The following POU6F2 variants were observed in gnomAD, a reference collection of about 807,000 sequenced individuals.
POU6F2 encodes POU class 6 homeobox 2.
Under a neutral mutation model 71.3 loss-of-function variants are expected in POU6F2, and 31 were observed. That is an observed-to-expected ratio of 0.43 (90% CI 0.33 to 0.59). The LOEUF is 0.59. Ranked by LOEUF, POU6F2 falls within the 20% of genes least tolerant of loss-of-function variation. The probability of loss-of-function intolerance (pLI) is 0.04; values close to 1 mark genes in which losing one functional copy is unlikely to be tolerated. For synonymous variants in POU6F2, 347 were observed against 355.7 expected, an observed-to-expected ratio of 0.98 and a Z score of 0.27; for missense variants, 783 against 856.8, an observed-to-expected ratio of 0.91 and a Z score of 1.07.
At chr7:39,265,752 A>G (rs916624291) in intron 4 of POU6F2, among the ~76,000 whole-genome samples, 4 of 152,188 alleles carry the variant, frequency 2.6e-5, no homozygotes, top group African/African-American at 9.7e-5. Flanking sequence ...AATTACAACC[A>G]GTTTTAAGGG....
intron 6 of POU6F2, among the ~76,000 whole-genome samples, chr7:39,418,508 T>G (rs902619196): frequency 6.6e-6 from 1 of 151,888 alleles, no homozygotes; most frequent in African/African-American, 2.4e-5. Flanking sequence ...TGGCCAACAT[T>G]GTGAAACCAT....
At chr7:39,092,245 G>A (rs570014005) in intron 2 of POU6F2, among the ~76,000 whole-genome samples, 2 of 152,332 alleles carry the variant, frequency 1.3e-5, no homozygotes, top group South Asian at 4.1e-4. Flanking sequence ...GGCAGAGGTA[G>A]CTAGAGAAAG....
At chr7:39,397,021 G>C (rs1420077183) in intron 5 of POU6F2, among the ~76,000 whole-genome samples, 1 of 152,068 alleles carries the variant, frequency 6.6e-6, no homozygotes, top group African/African-American at 2.4e-5. Flanking sequence ...GAATTTCTAG[G>C]GACATCTGGG....
intron 2 of POU6F2, among the ~76,000 whole-genome samples, chr7:39,132,041 A>G (rs1792296193): frequency 6.6e-6 from 1 of 152,232 alleles, no homozygotes; most frequent in Non-Finnish European, 1.5e-5. Context: ...TTTAAAATGT[A>G]CAATTAAATT....
intron 2 of POU6F2, among the ~76,000 whole-genome samples, chr7:39,201,739 A>G (rs1335444719): frequency 1.3e-5 from 2 of 152,218 alleles, no homozygotes; most frequent in Non-Finnish European, 2.9e-5. Flanking sequence ...AAAATATCCA[A>G]TGTCAAATTC....
intron 4 of POU6F2, among the ~76,000 whole-genome samples, chr7:39,267,837 T>C (rs775215551): frequency 6.6e-6 from 1 of 152,180 alleles, no homozygotes; most frequent in Non-Finnish European, 1.5e-5. Context: ...ACACTCTTCA[T>C]TCCTCATGTC....
intron 5 of POU6F2, among the ~76,000 whole-genome samples, chr7:39,365,395 G>A (rs1483555996): frequency 6.6e-6 from 1 of 152,104 alleles, no homozygotes; most frequent in Admixed American, 6.6e-5. Context: ...AACTCAAGAT[G>A]GATTAAGGAC....
chr7:39,010,795 C>T (rs1400369914), intron 1 of POU6F2, among the ~76,000 whole-genome samples: 2 of 147,962 alleles, frequency 1.4e-5, no homozygotes, highest in Non-Finnish European at 3.0e-5. Flanking sequence ...AGTAGTCATT[C>T]AGGAGCAGGT....
chr7:39,006,982 A>G (rs946836063), intron 1 of POU6F2: 2 of 1,030,112 alleles, frequency 1.9e-6, no homozygotes, highest in African/African-American at 1.6e-5. Flanking sequence ...CTTGAGTCAA[A>G]TGAGTGAGAT....
intron 1 of POU6F2, among the ~76,000 whole-genome samples, chr7:39,059,292 T>G (rs942908768): frequency 1.3e-5 from 2 of 152,132 alleles, no homozygotes; most frequent in Middle Eastern, 3.4e-3. Context: ...TTAAATTAAG[T>G]TCTTAGATAA....
At chr7:39,085,703 A>G in intron 1 of POU6F2, 157 bp from the exon 2 acceptor site, 1 of 744,986 alleles carries the variant, frequency 1.3e-6, no homozygotes, top group Non-Finnish European at 2.2e-6. Flanking sequence ...GCAGCCAGCA[A>G]TAACAGCGGG....
At chr7:39,096,933 CTG>C (rs753191911) in intron 2 of POU6F2, among the ~76,000 whole-genome samples, 1 of 152,120 alleles carries the variant, frequency 6.6e-6, no homozygotes, top group Non-Finnish European at 1.5e-5. Flanking sequence ...AATTGCACAA[CTG>C]TGCATATCAG....
intron 2 of POU6F2, among the ~76,000 whole-genome samples, chr7:39,094,766 TA>T (rs1277978754): frequency 2.0e-5 from 3 of 152,156 alleles, no homozygotes; most frequent in Non-Finnish European, 4.4e-5. Context: ...GAAGCTGTTT[TA>T]AAAGCATGAA....
At chr7:39,317,765 T>A (rs948455501) in intron 4 of POU6F2, among the ~76,000 whole-genome samples, 6 of 152,184 alleles carry the variant, frequency 3.9e-5, no homozygotes, top group Admixed American at 2.0e-4. Context: ...AGATAAACAA[T>A]CCTACCTTCT....
chr7:39,366,724 T>G (rs1786509448), intron 5 of POU6F2, among the ~76,000 whole-genome samples: 1 of 152,022 alleles, frequency 6.6e-6, no homozygotes, highest in Admixed American at 6.6e-5. Context: ...GAGAAGATAT[T>G]GAGGAGTTGG....
chr7:39,454,702 A>ATTT (rs1788753331), intron 8 of POU6F2, among the ~76,000 whole-genome samples: 2 of 72,276 alleles, frequency 2.8e-5, no homozygotes, highest in African/African-American at 9.0e-5. Flanking sequence ...ATATATATAT[A>ATTT]TATATATATA....
chr7:39,326,609 A>G (rs1330232459), intron 4 of POU6F2, among the ~76,000 whole-genome samples: 3 of 152,228 alleles, frequency 2.0e-5, no homozygotes, highest in African/African-American at 7.2e-5. Flanking sequence ...CTAATTTGCT[A>G]TTGCATTAAC....
At position 39,068,287 on chromosome 7, in the gene POU6F2, G is replaced by T. The variant is rs150639437; in HGVS notation, c.106-17573G>T. 1.7e-3 allele frequency among the ~76,000 whole-genome samples: 266 copies of T among 152,160 alleles called. 1 individual carries two copies. The highest frequency in any genetic ancestry group is 6.3e-3 in the African/African-American group (260 of 41,502). On this transcript the variant is annotated intron_variant, in intron 1 of 9. Coordinates refer to ENST00000518318, the MANE Select transcript of POU6F2 (RefSeq NM_001370959.1). ...CTTTCTCACTGTACATCAGTGCCCT[G>T]TCTCGCAACATCCCCTAACGTGCAC...
At chr7:39,130,743 C>A (rs1175399302) in intron 2 of POU6F2, among the ~76,000 whole-genome samples, 1 of 152,072 alleles carries the variant, frequency 6.6e-6, no homozygotes, top group East Asian at 1.9e-4. Flanking sequence ...GCCATGTCCT[C>A]AAATGTGCCT....
Sources: allele counts gnomAD v4.1 joint callset (sites outside exome capture counted in the v4.1 genomes callset), GRCh38; gene constraint gnomAD v4.1.1; transcripts MANE v1.5; gene names NCBI Gene and HGNC (gene_info 2026-07-23, HGNC 2026-07-21).